CNTN3: variants seen among roughly 807,000 people sequenced by gnomAD.
The protein encoded by CNTN3 is contactin-3.
In CNTN3, 60 loss-of-function variants were observed where a neutral mutation model predicts 119.1. The ratio of observed to expected loss-of-function variants is 0.50; its 90% CI spans 0.41 to 0.62. The LOEUF is 0.62. CNTN3 is among the 20% of genes least tolerant of loss of function. The pLI, the probability that CNTN3 is intolerant of heterozygous loss-of-function variation, is 0.00. For synonymous variants in CNTN3, 450 were observed against 438.7 expected (o/e 1.03, Z -0.32); for missense variants, 1,101 against 1,242.4 (o/e 0.89, Z 1.71).
intron 11 of CNTN3, among the ~76,000 whole-genome samples, chr3:74,344,106 G>A (rs1703615845): frequency 6.6e-6 from 1 of 152,186 alleles, no homozygotes; most frequent in Non-Finnish European, 1.5e-5. Flanking sequence ...CTCAGCTAGA[G>A]TTCACAAACC....
At chr3:74,360,303 T>C (rs1245386407) in intron 11 of CNTN3, among the ~76,000 whole-genome samples, 1 of 152,186 alleles carries the variant, frequency 6.6e-6, no homozygotes, top group East Asian at 1.9e-4. Flanking sequence ...ATTTGGACTC[T>C]ATGACTTCAA....
chr3:74,507,622 CTTTCTTTTT>C (rs1250042940), intron 2 of CNTN3, among the ~76,000 whole-genome samples: 25 of 120,488 alleles, frequency 2.1e-4, no homozygotes, highest in African/African-American at 6.8e-4. Flanking sequence ...TTCTTTCTTT[CTTTCTTTTT>C]TTTTTTTTTT....
At chr3:74,287,469 A>C (rs1344246650) in intron 19 of CNTN3, among the ~76,000 whole-genome samples, 2 of 152,240 alleles carry the variant, frequency 1.3e-5, no homozygotes, top group Admixed American at 1.3e-4. Context: ...TATATCAGAA[A>C]TACTCTTTTA....
Position 74,298,058 on chromosome 3 carries a change from C to T in CNTN3, c.2300G>A (p.Ser767Asn), listed in dbSNP as rs1575706236. 9 of 1,614,078 alleles carry T rather than the reference C, an allele frequency of 5.6e-6. No individual in the cohort carries two copies. Among genetic ancestry groups the T allele is most frequent in the East Asian group, 2.2e-5 (1 of 44,860 alleles). Residue 767 changes from serine (S) to asparagine (N), a missense_variant, in exon 18 of 23, where the codon AGC (serine) becomes AAC (asparagine). By Grantham distance (46) the Ser-to-Asn change is conservative. Transcript: ENST00000263665. ...TTCATATGGTGAATATGGCACGATG[C>T]TTTCATTCCTAAAGACATATCTTGG... ...DTPRYVFRNE[S>N]IVPYSPYEVK...
chr3:74,380,546 A>G (rs1704587442), intron 5 of CNTN3, among the ~76,000 whole-genome samples: 1 of 152,218 alleles, frequency 6.6e-6, no homozygotes, highest in Non-Finnish European at 1.5e-5. Context: ...TGCTATTAAA[A>G]TGGCATGCAA....
chr3:74,589,317 A>G (rs1404957689), intron 1 of CNTN3, among the ~76,000 whole-genome samples: 2 of 151,554 alleles, frequency 1.3e-5, no homozygotes, highest in Non-Finnish European at 3.0e-5. Flanking sequence ...GACACTTCTC[A>G]AAAGAAGACA....
At chr3:74,270,669 A>C (rs1701756022) in intron 20 of CNTN3, among the ~76,000 whole-genome samples, 1 of 152,192 alleles carries the variant, frequency 6.6e-6, no homozygotes, top group Non-Finnish European at 1.5e-5. Flanking sequence ...TTGATAGTGT[A>C]ACTTCTAGGA....
At chr3:74,556,312 TCTC>T (rs1704068754) in intron 1 of CNTN3, among the ~76,000 whole-genome samples, 1 of 152,152 alleles carries the variant, frequency 6.6e-6, no homozygotes. Flanking sequence ...CCTCTTCTCT[TCTC>T]CTCCCAGTCA....
At chr3:74,374,552 A>C (rs1291534759) in intron 5 of CNTN3, among the ~76,000 whole-genome samples, 1 of 152,024 alleles carries the variant, frequency 6.6e-6, no homozygotes. Flanking sequence ...TTAAATACGC[A>C]AACTGACTCC....
At chr3:74,589,778 T>C (rs1278806903) in intron 1 of CNTN3, among the ~76,000 whole-genome samples, 2 of 151,294 alleles carry the variant, frequency 1.3e-5, no homozygotes, top group Admixed American at 1.3e-4. Flanking sequence ...TATGCAGCCA[T>C]AAAAAATGAT....
chr3:74,334,743 C>T lies in CNTN3; in HGVS notation c.1660G>A (p.Val554Ile). ...FKKDGSHFEK[V>I]GGSSSGDLMI... ...AAAGTGCCACAACTTACCCCACCAA[C>T]TTTCTCAAAGTGAGATCCATCTTTC... is the stretch of plus-strand genomic sequence containing the variant. The change falls in exon 13 of 23, where the codon GTT (valine) becomes ATT (isoleucine). Residue 554 changes from valine (V) to isoleucine (I), a missense_variant. Coordinates refer to ENST00000263665, the MANE Select transcript of CNTN3 (RefSeq NM_020872.3). 6.2e-7 allele frequency: 1 copy of T among 1,612,990 alleles called. No individual in the cohort carries two copies. The highest frequency in any genetic ancestry group is 8.5e-7 in the Non-Finnish European group (1 of 1,179,386).
chr3:74,308,185 G>A (rs984351839), intron 13 of CNTN3, among the ~76,000 whole-genome samples: 1 of 152,140 alleles, frequency 6.6e-6, no homozygotes, highest in Non-Finnish European at 1.5e-5. Flanking sequence ...AATGCCAAAT[G>A]GCTGCATCAA....
intron 13 of CNTN3, among the ~76,000 whole-genome samples, chr3:74,321,278 T>C (rs1359116867): frequency 3.9e-5 from 6 of 152,084 alleles, no homozygotes; most frequent in Admixed American, 2.6e-4. Flanking sequence ...CCTAAAATAA[T>C]ACTTAAACAA....
At chr3:74,610,294 G>C (rs1183842809) in intron 1 of CNTN3, among the ~76,000 whole-genome samples, 1 of 151,592 alleles carries the variant, frequency 6.6e-6, no homozygotes, top group Non-Finnish European at 1.5e-5. Flanking sequence ...CTGCACTCCA[G>C]CCTGGGTGAC....
chr3:74,317,233 C>T (rs1399547793), intron 13 of CNTN3, among the ~76,000 whole-genome samples: 6 of 149,410 alleles, frequency 4.0e-5, no homozygotes, highest in Non-Finnish European at 8.9e-5. Flanking sequence ...ATGTGTGTCT[C>T]TGCATGTGAG....
chr3:74,583,112 T>C (rs1466745608), intron 1 of CNTN3, among the ~76,000 whole-genome samples: 1 of 152,046 alleles, frequency 6.6e-6, no homozygotes, highest in Non-Finnish European at 1.5e-5. Context: ...CTCTGGGGCA[T>C]AGCGGCTGTC....
chr3:74,387,195 A>C (rs1000250644), intron 5 of CNTN3, among the ~76,000 whole-genome samples: 5 of 152,190 alleles, frequency 3.3e-5, no homozygotes, highest in Non-Finnish European at 7.3e-5. Flanking sequence ...ATTTTTGGAG[A>C]CACAGAGATA....
At chr3:74,446,175 A>C (rs1430836194) in intron 4 of CNTN3, among the ~76,000 whole-genome samples, 1 of 152,060 alleles carries the variant, frequency 6.6e-6, no homozygotes, top group Non-Finnish European at 1.5e-5. Flanking sequence ...TTGATCTGTG[A>C]CTCAGTTTCC....
At chr3:74,568,446 G>C (rs547533718) in intron 1 of CNTN3, among the ~76,000 whole-genome samples, 6 of 152,310 alleles carry the variant, frequency 3.9e-5, no homozygotes, top group Admixed American at 3.9e-4. Flanking sequence ...ACAGTAAACT[G>C]AACAAACTCA....
Sources: allele counts gnomAD v4.1 joint callset (sites outside exome capture counted in the v4.1 genomes callset), GRCh38; gene constraint gnomAD v4.1.1; transcripts MANE v1.5; gene names NCBI Gene and HGNC (gene_info 2026-07-23, HGNC 2026-07-21).